Variants in CNKSR2 observed in about 807,000 individuals in gnomAD.
CNKSR2 encodes connector enhancer of kinase suppressor of Ras 2, also known as CNK homolog protein 2.
CNKSR2 carries 14 observed loss-of-function variants against 84.4 expected under a neutral mutation model. That is an observed-to-expected ratio of 0.17 (90% CI 0.11 to 0.26). The LOEUF (loss-of-function observed/expected upper bound fraction) is 0.26. Among genes scored for constraint, CNKSR2 ranks in the 10% least tolerant of loss-of-function variants. CNKSR2 has a pLI of 1.00. For missense variants in CNKSR2, 485 were observed against 771.2 expected, an observed-to-expected ratio of 0.63 and a Z score of 4.40; for synonymous variants, 275 against 277.9, an observed-to-expected ratio of 0.99 and a Z score of 0.10.
chrX:21,531,073 A>G (rs949598003), intron 10 of CNKSR2, among the ~76,000 whole-genome samples: 2 of 111,108 alleles, frequency 1.8e-5, no homozygotes, highest in Admixed American at 9.6e-5. Context: ...AGTTCTAGGA[A>G]TATGTCTTTT....
intron 11 of CNKSR2, among the ~76,000 whole-genome samples, chrX:21,532,516 T>A: frequency 9.0e-6 from 1 of 110,879 alleles, no homozygotes; most frequent in Non-Finnish European, 1.9e-5. Flanking sequence ...AGTTTTTGTA[T>A]TTTTTAAAGA....
chrX:21,393,627 C>T (rs2090081281), intron 1 of CNKSR2, among the ~76,000 whole-genome samples: 1 of 112,029 alleles, frequency 8.9e-6, no homozygotes, highest in Non-Finnish European at 1.9e-5. Context: ...TAATAATTAA[C>T]GACAGAATGT....
At chrX:21,442,642 C>T (rs1192705152) in intron 4 of CNKSR2, among the ~76,000 whole-genome samples, 2 of 111,675 alleles carry the variant, frequency 1.8e-5, no homozygotes, top group Non-Finnish European at 3.8e-5. Context: ...ATTGGACAAA[C>T]GATGTCATTG....
At chrX:21,589,753 A>G (rs1253708448) in intron 13 of CNKSR2, among the ~76,000 whole-genome samples, 1 of 111,791 alleles carries the variant, frequency 8.9e-6, no homozygotes, top group Non-Finnish European at 1.9e-5. Context: ...GGCAAGTATG[A>G]TGCAGCGAGC....
At chrX:21,642,653 C>T (rs927282383) in intron 20 of CNKSR2, 255 of 739,877 alleles carry the variant, frequency 3.4e-4, no homozygotes, top group Non-Finnish European at 4.0e-4. Context: ...TTCCTGTCAC[C>T]GCAGTGTGTG....
At chrX:21,472,457 C>T (rs758514081) in intron 5 of CNKSR2, among the ~76,000 whole-genome samples, 1 of 111,728 alleles carries the variant, frequency 9.0e-6, no homozygotes, top group African/African-American at 3.2e-5. Flanking sequence ...TTGGCTGCTA[C>T]GAACTTAAGA....
At chrX:21,453,287 A>T (rs1049147468) in intron 4 of CNKSR2, among the ~76,000 whole-genome samples, 2 of 111,906 alleles carry the variant, frequency 1.8e-5, no homozygotes, top group Non-Finnish European at 3.8e-5. Flanking sequence ...TGATATTTAT[A>T]TACTTTGCTA....
intron 1 of CNKSR2, among the ~76,000 whole-genome samples, chrX:21,420,492 C>A (rs749746413): frequency 8.9e-6 from 1 of 111,858 alleles, no homozygotes; most frequent in Non-Finnish European, 1.9e-5. Context: ...CGTAGTCAAC[C>A]GCAGCTCCAG....
intron 5 of CNKSR2, among the ~76,000 whole-genome samples, chrX:21,485,473 G>A (rs73451466): frequency 7.9e-4 from 87 of 110,719 alleles, no homozygotes; most frequent in African/African-American, 2.3e-3. Flanking sequence ...GTGTGTGTGC[G>A]TGTATGTGCA....
At chrX:21,412,333 G>C (rs1343189667) in intron 1 of CNKSR2, among the ~76,000 whole-genome samples, 1 of 111,968 alleles carries the variant, frequency 8.9e-6, no homozygotes, top group Non-Finnish European at 1.9e-5. Context: ...TGGCACCTTG[G>C]CAAAGATGAC....
Position 21,483,593 on chromosome X carries a change from AATAT to A in CNKSR2, c.562-6846_562-6843del, listed in dbSNP as rs10592013. On this transcript the variant is annotated intron_variant, in intron 5 of 21. Transcript: ENST00000379510. Reference sequence around the variant, plus strand: ...TACCCTAGAACTTAAAGTATAATAAAATATATATATATATATATATATAAAAGAA... The same window carrying A: ...TACCCTAGAACTTAAAGTATAATAAAATATATATATATATATATAAAAGAA... Among the ~76,000 whole-genome samples, 362 of 98,717 alleles carry A rather than the reference AATAT, an allele frequency of 3.7e-3. 2 individuals carry two copies. The highest frequency in any genetic ancestry group is 0.012 in the African/African-American group (324 of 27,174). 85.7% of individuals were successfully genotyped at this position (98,717 alleles called of 115,157 possible).
chrX:21,634,227 C>G (rs143551457), intron 20 of CNKSR2, among the ~76,000 whole-genome samples: 3,102 of 111,435 alleles, frequency 0.028, 91 homozygotes, highest in African/African-American at 0.083. Context: ...GTGAAAATAC[C>G]ATGGATTAAG....
intron 1 of CNKSR2, chrX:21,424,712 T>G (rs754403213): frequency 8.9e-6 from 1 of 112,142 alleles, no homozygotes; most frequent in East Asian, 2.8e-4. Context: ...TTTACCCTTT[T>G]ATCTCCAGCG....
chrX:21,571,118 A>G (rs1053024326), intron 13 of CNKSR2, among the ~76,000 whole-genome samples: 7 of 112,479 alleles, frequency 6.2e-5, no homozygotes, highest in Non-Finnish European at 1.3e-4. Flanking sequence ...ATCTTCCACT[A>G]TAAGGCTGTT....
chrX:21,478,991 T>C (rs2091287684), intron 5 of CNKSR2, among the ~76,000 whole-genome samples: 4 of 111,833 alleles, frequency 3.6e-5, no homozygotes, highest in Admixed American at 2.9e-4. Flanking sequence ...TCTGGGCTTT[T>C]AGTGTAGCCA....
At chrX:21,646,510 G>A (rs2092707379) in intron 20 of CNKSR2, among the ~76,000 whole-genome samples, 1 of 111,243 alleles carries the variant, frequency 9.0e-6, no homozygotes, top group Non-Finnish European at 1.9e-5. Context: ...AAGAACTGAG[G>A]GAAAACTGGG....
intron 2 of CNKSR2, among the ~76,000 whole-genome samples, chrX:21,431,791 T>C (rs2090637026): frequency 8.9e-6 from 1 of 111,883 alleles, no homozygotes; most frequent in South Asian, 3.7e-4. Flanking sequence ...ATTACACTTA[T>C]TCATATAACC....
chrX:21,393,510 G>A (rs1205751955), intron 1 of CNKSR2, among the ~76,000 whole-genome samples: 1 of 112,141 alleles, frequency 8.9e-6, no homozygotes, highest in East Asian at 2.8e-4. Context: ...TTTATCTCGG[G>A]TTAGGTGGGC....
chrX:21,468,902 C>G (rs1276877210), intron 4 of CNKSR2, among the ~76,000 whole-genome samples: 1 of 111,902 alleles, frequency 8.9e-6, no homozygotes, highest in Admixed American at 9.5e-5. Context: ...TTATAAAGCA[C>G]ACACAGCAGA....
Sources: gnomAD v4.1 joint callset for allele counts (sites outside exome capture counted in the v4.1 genomes callset) on GRCh38, gnomAD v4.1.1 for gene constraint, MANE v1.5 for transcripts, NCBI Gene and HGNC (gene_info 2026-07-23, HGNC 2026-07-21) for gene names.